The following TDRP variants were observed in gnomAD, a reference collection of about 807,000 sequenced individuals.
The protein encoded by TDRP is testis development related protein, also known as testis development-related protein.
In TDRP, 12 loss-of-function variants were observed where a neutral mutation model predicts 10.5. The observed-to-expected ratio is 1.15, with a 90% CI of 0.73 to 1.86. The LOEUF is 1.86. Among genes scored for constraint, TDRP ranks in the 40% most tolerant of loss-of-function variants. TDRP has a pLI of 0.00. For missense variants in TDRP, 353 were observed against 229.2 expected (o/e 1.54, Z -3.49); for synonymous variants, 139 against 95.4 (o/e 1.46, Z -2.67).
At chr8:518,856 G>A (rs1371423428) in intron 1 of TDRP, among the ~76,000 whole-genome samples, 1 of 152,004 alleles carries the variant, frequency 6.6e-6, no homozygotes, top group African/African-American at 2.4e-5. Context: ...AAATACTGGA[G>A]TATGGTATAA....
chr8:509,812 G>C (rs1372414710), intron 1 of TDRP, among the ~76,000 whole-genome samples: 1 of 152,146 alleles, frequency 6.6e-6, no homozygotes, highest in African/African-American at 2.4e-5. Context: ...ACTTTGTCAG[G>C]CTGCAAAGTT....
chr8:509,812 G>T (rs1372414710), intron 1 of TDRP, among the ~76,000 whole-genome samples: 1 of 152,146 alleles, frequency 6.6e-6, no homozygotes, highest in South Asian at 2.1e-4. Context: ...ACTTTGTCAG[G>T]CTGCAAAGTT....
intron 1 of TDRP, among the ~76,000 whole-genome samples, chr8:499,888 G>A (rs1021974363): frequency 6.6e-6 from 1 of 152,206 alleles, no homozygotes; most frequent in Non-Finnish European, 1.5e-5. Context: ...ATCTTAGGTG[G>A]CGACAGCCTA....
At chr8:523,739 A>T (rs1801965985) in intron 1 of TDRP, among the ~76,000 whole-genome samples, 1 of 152,130 alleles carries the variant, frequency 6.6e-6, no homozygotes, top group Non-Finnish European at 1.5e-5. Flanking sequence ...AAGAGTGGGA[A>T]GGACTTTGTC....
chr8:515,923 A>T (rs556567870), intron 1 of TDRP, among the ~76,000 whole-genome samples: 3 of 152,328 alleles, frequency 2.0e-5, no homozygotes, highest in South Asian at 4.1e-4. Context: ...AAAGAAATAA[A>T]AAATAAATGG....
intron 2 of TDRP, 84 bp from the exon 3 acceptor site, chr8:492,828 T>A (rs551824617): frequency 2.9e-4 from 307 of 1,075,836 alleles, no homozygotes; most frequent in Admixed American, 1.5e-3. Flanking sequence ...TAAAATTCTT[T>A]AAAATTTTAA....
Position 518,798 on chromosome 8 carries a change from C to A in TDRP, c.109-24201G>T, listed in dbSNP as rs1405234486. On this transcript the variant is annotated intron_variant, in intron 1 of 2. Coordinates refer to ENST00000324079, the MANE Select transcript of TDRP (RefSeq NM_001384899.1). Reference sequence around the variant, plus strand: ...CTTAAAAGGTCATTTACATAAATATCTTAATAGAAAGTCTAATTTGAAATT... The same window carrying A: ...CTTAAAAGGTCATTTACATAAATATATTAATAGAAAGTCTAATTTGAAATT... Among the ~76,000 whole-genome samples, 3 of 151,712 alleles carry A rather than the reference C, an allele frequency of 2.0e-5. No homozygotes were observed. The East Asian group carries it at 5.8e-4, about 29-fold the overall frequency.
chr8:494,766 A>T (rs1038576224), intron 1 of TDRP, among the ~76,000 whole-genome samples, 169 bp from the exon 2 acceptor site: 1 of 152,178 alleles, frequency 6.6e-6, no homozygotes, highest in Non-Finnish European at 1.5e-5. Context: ...GCTACTAGTC[A>T]TCTCAGCTGT....
intron 1 of TDRP, among the ~76,000 whole-genome samples, chr8:521,045 G>A (rs947812334): frequency 6.6e-6 from 1 of 151,864 alleles, no homozygotes; most frequent in Non-Finnish European, 1.5e-5. Context: ...TTTCTTCTAG[G>A]AGTTTTATAA....
At chr8:521,739 A>G (rs1334769552) in intron 1 of TDRP, among the ~76,000 whole-genome samples, 1 of 152,030 alleles carries the variant, frequency 6.6e-6, no homozygotes, top group Non-Finnish European at 1.5e-5. Context: ...TTGAGATTCT[A>G]TATGAACTTT....
chr8:512,325 TG>T (rs901342122), intron 1 of TDRP, among the ~76,000 whole-genome samples: 1 of 151,468 alleles, frequency 6.6e-6, no homozygotes, highest in African/African-American at 2.4e-5. Context: ...GCCAGCTCCT[TG>T]GGAGGCTGAG....
upstream of TDRP, among the ~76,000 whole-genome samples, chr8:545,262 C>A (rs1426644766): frequency 1.5e-5 from 2 of 133,402 alleles, no homozygotes; most frequent in Admixed American, 7.3e-5. Flanking sequence ...CACCTACCCG[C>A]CCCTAGCTGC....
chr8:523,407 C>G (rs1256528518), intron 1 of TDRP, among the ~76,000 whole-genome samples: 1 of 151,912 alleles, frequency 6.6e-6, no homozygotes, highest in Non-Finnish European at 1.5e-5. Context: ...AATTTAACAA[C>G]TATCTACACA....
At chr8:501,108 G>A (rs191055733) in intron 1 of TDRP, among the ~76,000 whole-genome samples, 98 of 152,030 alleles carry the variant, frequency 6.4e-4, no homozygotes, top group African/African-American at 2.3e-3. Flanking sequence ...TGGAGGCTGA[G>A]GCAGGAGAAT....
intron 1 of TDRP, among the ~76,000 whole-genome samples, chr8:509,009 C>G (rs117615129): frequency 6.6e-6 from 1 of 152,356 alleles, no homozygotes; most frequent in East Asian, 1.9e-4. Context: ...CTCATCACAT[C>G]TTAAAGCTCC....
intron 1 of TDRP, among the ~76,000 whole-genome samples, chr8:539,050 CT>C (rs1309846820): frequency 6.6e-6 from 1 of 152,322 alleles, no homozygotes; most frequent in South Asian, 2.1e-4. Flanking sequence ...AAATATCCCC[CT>C]GAAGGCATCA....
At chr8:535,579 C>T (rs532456211) in intron 1 of TDRP, among the ~76,000 whole-genome samples, 1 of 152,044 alleles carries the variant, frequency 6.6e-6, no homozygotes, top group Non-Finnish European at 1.5e-5. Context: ...ACTCCTAAGA[C>T]AAGGCTGATG....
intron 1 of TDRP, among the ~76,000 whole-genome samples, chr8:529,151 G>A (rs1802114985): frequency 2.6e-5 from 4 of 152,060 alleles, no homozygotes; most frequent in Admixed American, 2.6e-4. Flanking sequence ...CCAGTCCAAG[G>A]ATTCAAATGT....
At chr8:533,889 GACTCTTTAATACAAGAA>G (rs1802276560) in intron 1 of TDRP, among the ~76,000 whole-genome samples, 1 of 152,050 alleles carries the variant, frequency 6.6e-6, no homozygotes, top group African/African-American at 2.4e-5. Flanking sequence ...CCCATAGTAA[GACTCTTTAATACAAGAA>G]ACTCTTTAAT....
Sources: allele counts gnomAD v4.1 joint callset (sites outside exome capture counted in the v4.1 genomes callset), GRCh38; gene constraint gnomAD v4.1.1; transcripts MANE v1.5; gene names NCBI Gene and HGNC (gene_info 2026-07-23, HGNC 2026-07-21).